Variants in PDE10A observed in about 807,000 individuals in gnomAD.
PDE10A encodes the protein cAMP and cAMP-inhibited cGMP 3',5'-cyclic phosphodiesterase 10A.
A neutral mutation model predicts 97.7 loss-of-function variants in PDE10A; 39 were observed. The observed-to-expected ratio is 0.40, with a 90% CI of 0.31 to 0.52. The LOEUF (loss-of-function observed/expected upper bound fraction) is 0.52, where lower values mean the gene tolerates loss of function less well. Ranked by LOEUF, PDE10A falls within the 20% of genes least tolerant of loss-of-function variation. The pLI is 0.56. For synonymous variants in PDE10A, 371 were observed against 376.8 expected, an observed-to-expected ratio of 0.98 and a Z score of 0.18; for missense variants, 731 against 1,047.8, an observed-to-expected ratio of 0.70 and a Z score of 4.17.
At chr6:165,353,915 A>C (rs915470936) in intron 18 of PDE10A, among the ~76,000 whole-genome samples, 6 of 152,198 alleles carry the variant, frequency 3.9e-5, no homozygotes, top group Admixed American at 2.6e-4. Context: ...TAATTGTAAT[A>C]AATGTACTAT....
intron 1 of PDE10A, among the ~76,000 whole-genome samples, chr6:165,814,360 T>C (rs1779354402): frequency 6.6e-6 from 1 of 152,064 alleles, no homozygotes; most frequent in African/African-American, 2.4e-5. Context: ...AGCCCCTTGC[T>C]CCACACAGGG....
chr6:165,855,101 G>T (rs1427545982), intron 1 of PDE10A, among the ~76,000 whole-genome samples: 2 of 152,152 alleles, frequency 1.3e-5, no homozygotes, highest in Non-Finnish European at 2.9e-5. Flanking sequence ...GGCCAGGGAG[G>T]TAAATCAAGT....
At chr6:165,950,897 T>C (rs909900693) in intron 1 of PDE10A, among the ~76,000 whole-genome samples, 1 of 152,210 alleles carries the variant, frequency 6.6e-6, no homozygotes, top group Non-Finnish European at 1.5e-5. Flanking sequence ...CGTTGGGAGA[T>C]CTGATCTCTC....
intron 2 of PDE10A, among the ~76,000 whole-genome samples, chr6:165,483,604 T>C (rs1268386878): frequency 6.6e-6 from 1 of 152,246 alleles, no homozygotes. Flanking sequence ...TACAGAGGCA[T>C]ATGTGCTTTT....
chr6:165,849,056 C>T (rs1256830732), intron 1 of PDE10A, among the ~76,000 whole-genome samples: 2 of 152,204 alleles, frequency 1.3e-5, no homozygotes, highest in African/African-American at 4.8e-5. Context: ...GGCCACACTT[C>T]GACCAATGCA....
At chr6:165,714,932 C>A (rs1238581988) in intron 1 of PDE10A, among the ~76,000 whole-genome samples, 2 of 97,942 alleles carry the variant, frequency 2.0e-5, no homozygotes, top group African/African-American at 1.2e-4. Context: ...CAAGTAGAAC[C>A]CCCTCAGTGG....
chr6:165,954,175 T>C (rs1447738509), intron 1 of PDE10A, among the ~76,000 whole-genome samples: 1 of 152,238 alleles, frequency 6.6e-6, no homozygotes, highest in Non-Finnish European at 1.5e-5. Flanking sequence ...CTGGTTGCTT[T>C]CAGTTTGGGG....
rs569733079 is a variant in PDE10A, at chr6:165,568,245, C to T, written c.866-24677G>A. On this transcript the variant is annotated intron_variant, in intron 1 of 21. Transcript: ENST00000539869. ...AGATCTGCTGACCTCATGATCCGCC[C>T]GCCTCGGCCTCCCAAAGTGCTGGGA... Among the ~76,000 whole-genome samples the T allele has an allele frequency of 1.9e-4, 29 of 152,144 alleles. No individual in the cohort carries two copies. The South Asian group carries it at 4.6e-3, about 24-fold the overall frequency.
intron 1 of PDE10A, among the ~76,000 whole-genome samples, chr6:165,728,762 A>C (rs1792356933): frequency 6.6e-6 from 1 of 152,196 alleles, no homozygotes; most frequent in South Asian, 2.1e-4. Context: ...ACCCAAAGAC[A>C]CAGGCACCTG....
chr6:165,410,273 T>C (rs1454709860), intron 13 of PDE10A, among the ~76,000 whole-genome samples: 2 of 152,192 alleles, frequency 1.3e-5, no homozygotes, highest in Non-Finnish European at 2.9e-5. Flanking sequence ...TGATAGCTCA[T>C]TAAAATAATT....
At chr6:165,615,802 T>C (rs1787701739) in intron 1 of PDE10A, among the ~76,000 whole-genome samples, 1 of 152,220 alleles carries the variant, frequency 6.6e-6, no homozygotes, top group Non-Finnish European at 1.5e-5. Context: ...ACTGTGAGTC[T>C]GCACCATGTC....
At chr6:165,692,574 C>T (rs1791331687) in intron 1 of PDE10A, among the ~76,000 whole-genome samples, 1 of 152,184 alleles carries the variant, frequency 6.6e-6, no homozygotes, top group Non-Finnish European at 1.5e-5. Context: ...TCCTGCTGGT[C>T]TTCGTGCCTG....
chr6:165,457,294 GGCATCACT>G (rs1778010791), intron 3 of PDE10A, among the ~76,000 whole-genome samples: 1 of 152,008 alleles, frequency 6.6e-6, no homozygotes, highest in African/African-American at 2.4e-5. Flanking sequence ...GTTTATACTG[GGCATCACT>G]GCAGCATTCG....
At chr6:165,752,517 GT>G (rs1793029092) in intron 1 of PDE10A, among the ~76,000 whole-genome samples, 2 of 152,084 alleles carry the variant, frequency 1.3e-5, no homozygotes, top group South Asian at 4.1e-4. Context: ...GGGATAATTT[GT>G]TATATGTCAT....
Position 165,681,428 on chromosome 6 carries a change from GTC to G in PDE10A, c.-614-137862_-614-137861del, listed in dbSNP as rs879606277. Among the ~76,000 whole-genome samples the G allele has an allele frequency of 4.5e-3, 659 of 148,056 alleles. 3 individuals are homozygous for G. The highest frequency in any genetic ancestry group is 6.4e-3 in the Admixed American group (94 of 14,692). On this transcript the variant is annotated intron_variant, in intron 1 of 19. Transcript: ENST00000366882. ...TGTGTGTGTGTGTGTGTGTGTGTGT[GTC>G]TGTGTGCATTTTCCCTTAAAGCAAT...
At chr6:165,659,170 T>C (rs1790110703) in intron 1 of PDE10A, among the ~76,000 whole-genome samples, 3 of 152,166 alleles carry the variant, frequency 2.0e-5, no homozygotes, top group African/African-American at 7.2e-5. Flanking sequence ...ACACATGATT[T>C]GCTTTCGATG....
chr6:165,364,942 T>C (rs909403863), intron 18 of PDE10A, among the ~76,000 whole-genome samples: 1 of 152,068 alleles, frequency 6.6e-6, no homozygotes, highest in Admixed American at 6.5e-5. Context: ...ACTTGCAAGG[T>C]ATAGTTCAGT....
chr6:165,413,462 T>G (rs753741133), intron 13 of PDE10A, 39 bp downstream of exon 13: 3 of 1,381,696 alleles, frequency 2.2e-6, no homozygotes, highest in South Asian at 2.6e-5. Flanking sequence ...CAAATTAATA[T>G]TGAGTAGTAA....
intron 1 of PDE10A, among the ~76,000 whole-genome samples, chr6:165,872,478 C>T (rs1394811543): frequency 2.0e-5 from 3 of 152,136 alleles, no homozygotes; most frequent in African/African-American, 7.2e-5. Flanking sequence ...CTAGACAGCA[C>T]TCCAGGCTTT....
Sources: gnomAD v4.1 joint callset for allele counts (sites outside exome capture counted in the v4.1 genomes callset) on GRCh38, gnomAD v4.1.1 for gene constraint, MANE v1.5 for transcripts, NCBI Gene and HGNC (gene_info 2026-07-23, HGNC 2026-07-21) for gene names.